The following FGF10 variants were observed in gnomAD, a reference collection of about 807,000 sequenced individuals.
The protein encoded by FGF10 is fibroblast growth factor 10.
FGF10 carries 2 observed loss-of-function variants against 19.8 expected under a neutral mutation model. The observed-to-expected ratio is 0.10, with a 90% CI of 0.04 to 0.32. The LOEUF (loss-of-function observed/expected upper bound fraction) is 0.32. Among genes scored for constraint, FGF10 ranks in the 10% least tolerant of loss-of-function variants. FGF10 has a pLI of 1.00. For synonymous variants in FGF10, 112 were observed against 94.0 expected (o/e 1.19, Z -1.10); for missense variants, 191 against 246.3 (o/e 0.78, Z 1.50).
intron 1 of FGF10, among the ~76,000 whole-genome samples, chr5:44,311,752 A>T (rs1400076535): frequency 1.3e-5 from 2 of 152,108 alleles, no homozygotes; most frequent in Non-Finnish European, 2.9e-5. Flanking sequence ...ACAAATTCCC[A>T]TTGGCTTAAT....
At chr5:44,358,780 T>C (rs538360315) in intron 1 of FGF10, among the ~76,000 whole-genome samples, 1 of 151,610 alleles carries the variant, frequency 6.6e-6, no homozygotes, top group South Asian at 2.1e-4. Context: ...TAAGAAACCA[T>C]GTGGTGCATA....
chr5:44,386,050 T>A (rs1742089590), intron 1 of FGF10, among the ~76,000 whole-genome samples: 1 of 152,138 alleles, frequency 6.6e-6, no homozygotes, highest in African/African-American at 2.4e-5. Flanking sequence ...AAGTAATATA[T>A]GTTATCACAG....
At chr5:44,388,264 A>G in intron 1 of FGF10, 94 bp downstream of exon 1, 2 of 1,172,802 alleles carry the variant, frequency 1.7e-6, no homozygotes, top group Non-Finnish European at 2.6e-6. Flanking sequence ...GGGGACGTAA[A>G]TATTTAGCTG....
chr5:44,388,455 A>T lies in FGF10; in HGVS notation c.228T>A (p.Asp76Glu), dbSNP rs199689272. The stretch of plus-strand genomic sequence containing the variant: ...AAGAGAATAGCTTTCTCCAGCGGAC[A>T]TCTCCTTGAAGGTGATTGTAGCTCC... ...HVRSYNHLQG[D>E]VRWRKLFSFT... Residue 76 changes from aspartate (D) to glutamate (E), a missense_variant, in exon 1 of 3, where the codon GAT (aspartate) becomes GAA (glutamate). Coordinates refer to ENST00000264664, the MANE Select transcript of FGF10 (RefSeq NM_004465.2). 6.2e-7 allele frequency: 1 copy of T among 1,614,116 alleles called. No homozygotes were observed. The highest frequency in any genetic ancestry group is 2.2e-5 in the East Asian group (1 of 44,856).
intron 1 of FGF10, among the ~76,000 whole-genome samples, chr5:44,332,669 C>T (rs531352895): frequency 5.3e-5 from 8 of 152,232 alleles, no homozygotes; most frequent in African/African-American, 1.9e-4. Flanking sequence ...TTAGCTTCTG[C>T]ATTACAAACT....
At chr5:44,318,276 T>C (rs181714681) in intron 1 of FGF10, among the ~76,000 whole-genome samples, 2 of 152,304 alleles carry the variant, frequency 1.3e-5, no homozygotes, top group African/African-American at 4.8e-5. Flanking sequence ...AACAAAGCCA[T>C]GAGCAAGGCA....
chr5:44,302,180 T>C lies in FGF10; in HGVS notation c.*2815A>G, dbSNP rs1437738087. ...ATTCTATTTCCATTTCAAGCAAATA[T>C]GCCACTTTTAAATGCAAGAGAATGT... On this transcript the variant is annotated 3_prime_UTR_variant, in exon 3 of 3. Coordinates refer to ENST00000264664, the MANE Select transcript of FGF10 (RefSeq NM_004465.2). Among the ~76,000 whole-genome samples, 1 of 151,744 alleles carries C rather than the reference T, an allele frequency of 6.6e-6. No individual in the cohort carries two copies. The highest frequency in any genetic ancestry group is 1.5e-5 in the Non-Finnish European group (1 of 67,962).
intron 1 of FGF10, among the ~76,000 whole-genome samples, chr5:44,381,035 G>A (rs1019490984): frequency 1.3e-5 from 2 of 152,164 alleles, no homozygotes; most frequent in Admixed American, 1.3e-4. Flanking sequence ...TAGCTAGTAA[G>A]TGTTATGTAT....
At chr5:44,386,720 A>G (rs1478231664) in intron 1 of FGF10, among the ~76,000 whole-genome samples, 1 of 152,174 alleles carries the variant, frequency 6.6e-6, no homozygotes, top group Non-Finnish European at 1.5e-5. Context: ...GAAACATAAA[A>G]TGAAACACTT....
intron 1 of FGF10, among the ~76,000 whole-genome samples, chr5:44,325,593 G>T (rs1331021281): frequency 6.6e-6 from 1 of 152,138 alleles, no homozygotes; most frequent in Non-Finnish European, 1.5e-5. Context: ...TAGGGACATG[G>T]ATGAAGCTGG....
intron 1 of FGF10, among the ~76,000 whole-genome samples, chr5:44,379,242 G>C (rs1443964222): frequency 6.6e-6 from 1 of 152,156 alleles, no homozygotes; most frequent in East Asian, 1.9e-4. Context: ...GACATTATCT[G>C]TGGAGAGTGT....
At chr5:44,318,145 C>T (rs970474001) in intron 1 of FGF10, among the ~76,000 whole-genome samples, 1 of 152,062 alleles carries the variant, frequency 6.6e-6, no homozygotes, top group African/African-American at 2.4e-5. Flanking sequence ...CCCAAGATAA[C>T]TGACTTTTGA....
intron 1 of FGF10, among the ~76,000 whole-genome samples, chr5:44,322,632 C>T (rs1385532579): frequency 6.6e-6 from 1 of 152,058 alleles, no homozygotes; most frequent in Non-Finnish European, 1.5e-5. Flanking sequence ...TCCATATGTT[C>T]TGGATTAAAG....
chr5:44,374,311 T>G (rs1741807691), intron 1 of FGF10, among the ~76,000 whole-genome samples: 1 of 152,146 alleles, frequency 6.6e-6, no homozygotes, highest in African/African-American at 2.4e-5. Context: ...ACCTGGACAA[T>G]GACAATAATC....
chr5:44,388,298 C>A, intron 1 of FGF10, 60 bp downstream of exon 1: 1 of 1,495,754 alleles, frequency 6.7e-7, no homozygotes, highest in South Asian at 1.1e-5. Context: ...CAGATTTTTC[C>A]CCCCCGTGTG....
At chr5:44,337,245 T>C (rs1318628815) in intron 1 of FGF10, among the ~76,000 whole-genome samples, 1 of 134,888 alleles carries the variant, frequency 7.4e-6, no homozygotes, top group Non-Finnish European at 1.7e-5. Context: ...AAAAGAAAGA[T>C]ACTATTGAAT....
intron 1 of FGF10, among the ~76,000 whole-genome samples, chr5:44,332,350 AT>A (rs983414685): frequency 3.2e-4 from 48 of 152,134 alleles, no homozygotes; most frequent in African/African-American, 1.1e-3. Context: ...ACAATTTAGG[AT>A]TTGGCACCTG....
chr5:44,361,521 A>G (rs1016430673), intron 1 of FGF10, among the ~76,000 whole-genome samples: 1 of 151,582 alleles, frequency 6.6e-6, no homozygotes, highest in African/African-American at 2.4e-5. Flanking sequence ...TGAAACCTCA[A>G]TGGGGAGTAA....
intron 1 of FGF10, among the ~76,000 whole-genome samples, chr5:44,320,408 C>A (rs1561200211): frequency 6.6e-6 from 1 of 152,104 alleles, no homozygotes; most frequent in East Asian, 1.9e-4. Context: ...CTAACCCAGC[C>A]AAAATGAGTA....
Sources: allele counts gnomAD v4.1 joint callset (sites outside exome capture counted in the v4.1 genomes callset), GRCh38; gene constraint gnomAD v4.1.1; transcripts MANE v1.5; gene names NCBI Gene and HGNC (gene_info 2026-07-23, HGNC 2026-07-21).